Variants in LRGUK observed in about 807,000 individuals in gnomAD.
LRGUK encodes the protein leucine rich repeats and guanylate kinase domain containing, also known as leucine-rich repeat and guanylate kinase domain-containing protein.
In LRGUK, 65 loss-of-function variants were observed where a neutral mutation model predicts 76.0. That is an observed-to-expected ratio of 0.85 (90% CI 0.70 to 1.05). The LOEUF (loss-of-function observed/expected upper bound fraction) is 1.05. LRGUK is among the 50% of genes least tolerant of loss of function. The pLI, the probability that LRGUK is intolerant of heterozygous loss-of-function variation, is 0.00. For synonymous variants in LRGUK, 268 were observed against 265.6 expected, an observed-to-expected ratio of 1.01 and a Z score of -0.09; for missense variants, 758 against 732.8, an observed-to-expected ratio of 1.03 and a Z score of -0.40.
intron 16 of LRGUK, among the ~76,000 whole-genome samples, chr7:134,227,123 G>T (rs1801783085): frequency 6.6e-6 from 1 of 151,424 alleles, no homozygotes; most frequent in African/African-American, 2.5e-5. Context: ...AGGGGAGGAT[G>T]ATCCTGAGAG....
chr7:134,134,237 A>G (rs915506799), intron 1 of LRGUK, among the ~76,000 whole-genome samples: 1 of 152,064 alleles, frequency 6.6e-6, no homozygotes, highest in Non-Finnish European at 1.5e-5. Context: ...AGGATAAGCA[A>G]TTGTGGGATT....
downstream of LRGUK, among the ~76,000 whole-genome samples, chr7:134,266,657 G>A (rs1042864605): frequency 2.0e-5 from 3 of 152,158 alleles, no homozygotes; most frequent in South Asian, 2.1e-4. Context: ...GGATGTGTAG[G>A]ACTATGTGAA....
chr7:134,196,793 T>G (rs1159134146), intron 12 of LRGUK, among the ~76,000 whole-genome samples, 199 bp from the exon 13 acceptor site: 1 of 152,128 alleles, frequency 6.6e-6, no homozygotes, highest in African/African-American at 2.4e-5. Context: ...ATTTTTTTTT[T>G]GTCAGCTGAG....
intron 18 of LRGUK, among the ~76,000 whole-genome samples, chr7:134,252,606 T>C (rs1423933598): frequency 1.3e-5 from 2 of 152,158 alleles, no homozygotes; most frequent in Non-Finnish European, 2.9e-5. Context: ...GTTGGTGCCA[T>C]GTAGCCCTAG....
At chr7:134,250,204 T>G (rs1472001137) in intron 18 of LRGUK, among the ~76,000 whole-genome samples, 1 of 151,638 alleles carries the variant, frequency 6.6e-6, no homozygotes, top group African/African-American at 2.4e-5. Flanking sequence ...TATTTTATTT[T>G]TCTTCTTTAT....
At chr7:134,198,711 G>T (rs1243385736) in intron 13 of LRGUK, among the ~76,000 whole-genome samples, 1 of 152,146 alleles carries the variant, frequency 6.6e-6, no homozygotes, top group Non-Finnish European at 1.5e-5. Context: ...TCCATGCTGT[G>T]ATCTCCTGGT....
At chr7:134,217,089 T>G (rs1801452223) in intron 15 of LRGUK, among the ~76,000 whole-genome samples, 1 of 152,134 alleles carries the variant, frequency 6.6e-6, no homozygotes, top group African/African-American at 2.4e-5. Context: ...CTCTTGAAAT[T>G]TACCTGTTCT....
chr7:134,200,845 G>A (rs1800738177), intron 14 of LRGUK, among the ~76,000 whole-genome samples: 1 of 152,154 alleles, frequency 6.6e-6, no homozygotes, highest in African/African-American at 2.4e-5. Context: ...TACAGCATAG[G>A]TGGATTTTCT....
At chr7:134,136,685 C>G (rs1166607801) in intron 1 of LRGUK, among the ~76,000 whole-genome samples, 6 of 152,168 alleles carry the variant, frequency 3.9e-5, no homozygotes, top group Admixed American at 3.9e-4. Flanking sequence ...TCATTGAGAG[C>G]TGTTAGTACA....
At chr7:134,204,588 C>A (rs1800924522) in intron 15 of LRGUK, among the ~76,000 whole-genome samples, 1 of 152,148 alleles carries the variant, frequency 6.6e-6, no homozygotes, top group Admixed American at 6.6e-5. Context: ...TTTTCTGAAG[C>A]CAACCACTTT....
intron 16 of LRGUK, among the ~76,000 whole-genome samples, chr7:134,242,099 C>T (rs1199120472): frequency 4.0e-5 from 6 of 151,444 alleles, no homozygotes; most frequent in African/African-American, 1.5e-4. Flanking sequence ...CAAGAGAAAG[C>T]AGGAAAGATC....
At chr7:134,266,382 A>G (rs1802856515), downstream of LRGUK, among the ~76,000 whole-genome samples, 1 of 152,266 alleles carries the variant, frequency 6.6e-6, no homozygotes, top group Non-Finnish European at 1.5e-5. Context: ...AATTAGGAAC[A>G]TGACTGAAAC....
intron 11 of LRGUK, among the ~76,000 whole-genome samples, chr7:134,184,328 G>A (rs1041798337): frequency 4.6e-5 from 7 of 150,856 alleles, no homozygotes; most frequent in African/African-American, 1.7e-4. Flanking sequence ...GGAGTGCAGT[G>A]GTGCGATCTC....
chr7:134,127,974 G>C (rs559737895), intron 1 of LRGUK, among the ~76,000 whole-genome samples: 2 of 152,142 alleles, frequency 1.3e-5, no homozygotes, highest in South Asian at 2.1e-4. Context: ...TATGGCTTTA[G>C]CTTTTTCAAA....
chr7:134,215,399 T>C (rs976432710), intron 15 of LRGUK, among the ~76,000 whole-genome samples: 1 of 152,146 alleles, frequency 6.6e-6, no homozygotes, highest in Non-Finnish European at 1.5e-5. Flanking sequence ...TTTGCTTTGA[T>C]GCTGTCCTTA....
chr7:134,194,529 C>T (rs1279763918), intron 12 of LRGUK, among the ~76,000 whole-genome samples: 1 of 152,000 alleles, frequency 6.6e-6, no homozygotes, highest in South Asian at 2.1e-4. Context: ...ATTGCTTGAA[C>T]CTAGGAGTTT....
At chr7:134,137,440 C>G (rs1797583545) in intron 2 of LRGUK, among the ~76,000 whole-genome samples, 1 of 152,098 alleles carries the variant, frequency 6.6e-6, no homozygotes, top group Non-Finnish European at 1.5e-5. Flanking sequence ...TAAAACCAAT[C>G]AAAGACTCTT....
intron 3 of LRGUK, among the ~76,000 whole-genome samples, chr7:134,142,035 A>C (rs1797787040): frequency 6.6e-6 from 1 of 152,148 alleles, no homozygotes; most frequent in Non-Finnish European, 1.5e-5. Context: ...GCAGGGCCCC[A>C]ACTACTCCAG....
intron 15 of LRGUK, among the ~76,000 whole-genome samples, chr7:134,218,696 A>G (rs1302084614): frequency 1.3e-5 from 2 of 152,208 alleles, no homozygotes; most frequent in East Asian, 3.8e-4. Flanking sequence ...TGAAATATAC[A>G]TACAAATCTT....
Sources: gnomAD v4.1 joint callset for allele counts (sites outside exome capture counted in the v4.1 genomes callset) on GRCh38, gnomAD v4.1.1 for gene constraint, MANE v1.5 for transcripts, NCBI Gene and HGNC (gene_info 2026-07-23, HGNC 2026-07-21) for gene names.